The following ATG7 variants were observed in gnomAD, a reference collection of about 807,000 sequenced individuals.
ATG7 encodes the protein ubiquitin-like modifier-activating enzyme ATG7.
In ATG7, 70 loss-of-function variants were observed where a neutral mutation model predicts 82.4. The observed-to-expected ratio is 0.85, with a 90% CI of 0.70 to 1.04. ATG7 has a LOEUF of 1.04. Among genes scored for constraint, ATG7 ranks in the 50% least tolerant of loss-of-function variants. The pLI, the probability that ATG7 is intolerant of heterozygous loss-of-function variation, is 0.00. For missense variants in ATG7, 792 were observed against 864.3 expected (o/e 0.92, Z 1.05); for synonymous variants, 287 against 313.0 (o/e 0.92, Z 0.88).
At chr3:11,493,216 T>A (rs2090541301) in intron 20 of ATG7, among the ~76,000 whole-genome samples, 1 of 152,210 alleles carries the variant, frequency 6.6e-6, no homozygotes, top group Non-Finnish European at 1.5e-5. Context: ...CACTCTCCCC[T>A]GAAGTCAATT....
At chr3:11,429,084 T>C (rs1182032458) in intron 20 of ATG7, among the ~76,000 whole-genome samples, 2 of 152,242 alleles carry the variant, frequency 1.3e-5, no homozygotes, top group Admixed American at 1.3e-4. Flanking sequence ...ATACGTCACA[T>C]CAAATTTTAG....
At chr3:11,550,732 G>A (rs1385117974) in intron 20 of ATG7, among the ~76,000 whole-genome samples, 2 of 151,904 alleles carry the variant, frequency 1.3e-5, no homozygotes, top group African/African-American at 4.8e-5. Flanking sequence ...ACCGAGATGA[G>A]CCCTTTATGG....
At chr3:11,558,006 GC>G (rs1662958249), downstream of ATG7, 1 of 155,358 alleles carries the variant, frequency 6.4e-6, no homozygotes, top group Admixed American at 6.3e-5. Context: ...TTGTTTTTCA[GC>G]AGTTTGCCCT....
intron 19 of ATG7, among the ~76,000 whole-genome samples, chr3:11,396,039 A>G (rs4684068): frequency 0.21 from 30,592 of 145,416 alleles, 3,813 homozygotes; most frequent in South Asian, 0.34. Context: ...CACCACTAGC[A>G]TGTTTACACA....
intron 20 of ATG7, among the ~76,000 whole-genome samples, chr3:11,448,019 C>T (rs7644968): frequency 0.51 from 77,508 of 152,038 alleles, 20,664 homozygotes; most frequent in East Asian, 0.68. Context: ...GCTTTTCTAT[C>T]AGCAATTCAT....
intron 20 of ATG7, among the ~76,000 whole-genome samples, chr3:11,451,063 ATATT>A (rs1347140905): frequency 1.3e-5 from 2 of 152,218 alleles, no homozygotes; most frequent in Admixed American, 1.3e-4. Context: ...CCCAGGACAA[ATATT>A]TATTTGACCT....
intron 20 of ATG7, among the ~76,000 whole-genome samples, chr3:11,523,802 A>G (rs1416517669): frequency 1.3e-5 from 2 of 152,226 alleles, no homozygotes; most frequent in Non-Finnish European, 2.9e-5. Flanking sequence ...TCCAGCTAAC[A>G]TGGAAAAACT....
chr3:11,490,966 TGAG>T (rs2090286314), intron 20 of ATG7, among the ~76,000 whole-genome samples: 1 of 152,126 alleles, frequency 6.6e-6, no homozygotes, highest in African/African-American at 2.4e-5. Context: ...TTGCTCTTCT[TGAG>T]GAGTATCTTT....
intron 13 of ATG7, among the ~76,000 whole-genome samples, chr3:11,345,691 C>G (rs767202609): frequency 2.9e-4 from 44 of 151,792 alleles, no homozygotes; most frequent in Non-Finnish European, 6.3e-4. Context: ...TTTTTTGGAG[C>G]ATTACTTTAT....
rs1559791226 is a variant in ATG7, at chr3:11,519,542, T to TG, written c.2080-35269_2080-35268insG. On this transcript the variant is annotated intron_variant, in intron 20 of 20. Coordinates refer to ENST00000693202, the MANE Select transcript of ATG7 (RefSeq NM_001349232.2). ...TGAAAGGCAGGCAGTGAGAGGAGTT[T>TG]TTTTTTTTTTTTTTTTTTTTTTTTT... Among the ~76,000 whole-genome samples the TG allele has an allele frequency of 2.1e-3, 80 of 38,476 alleles. 1 individual carries two copies. The highest frequency in any genetic ancestry group is 4.4e-3 in the South Asian group (7 of 1,588). 25.2% of individuals were successfully genotyped at this position (38,476 alleles called of 152,430 possible).
At chr3:11,317,509 C>T (rs1295003927) in intron 9 of ATG7, among the ~76,000 whole-genome samples, 1 of 151,584 alleles carries the variant, frequency 6.6e-6, no homozygotes, top group South Asian at 2.1e-4. Flanking sequence ...TAATTAGTAT[C>T]TGCATTTTCT....
chr3:11,418,198 G>A (rs1362595016), intron 19 of ATG7, among the ~76,000 whole-genome samples: 1 of 150,724 alleles, frequency 6.6e-6, no homozygotes, highest in Middle Eastern at 3.7e-3. Flanking sequence ...TCAACCTCCC[G>A]GGTTTAAGCC....
chr3:11,317,584 CTTTTTTTTT>C (rs370026914), intron 9 of ATG7, among the ~76,000 whole-genome samples: 3 of 114,482 alleles, frequency 2.6e-5, no homozygotes, highest in Admixed American at 2.1e-4. Context: ...TTCTTTCTTT[CTTTTTTTTT>C]TTTTTTTTTT....
chr3:11,315,003 G>T (rs1949192061), intron 8 of ATG7, among the ~76,000 whole-genome samples: 1 of 152,150 alleles, frequency 6.6e-6, no homozygotes, highest in South Asian at 2.1e-4. Flanking sequence ...AAGGTTCGGG[G>T]TAAAATTCAT....
chr3:11,477,357 G>A, intron 20 of ATG7: 2 of 1,103,748 alleles, frequency 1.8e-6, no homozygotes, highest in Non-Finnish European at 2.3e-6. Context: ...AGTAATGAAT[G>A]TAAGTTTCTC....
intron 20 of ATG7, among the ~76,000 whole-genome samples, chr3:11,480,365 T>A (rs1300380473): frequency 1.3e-5 from 2 of 152,128 alleles, no homozygotes; most frequent in Admixed American, 6.5e-5. Flanking sequence ...AGCAAGACCC[T>A]GTCTCTACAA....
At chr3:11,488,614 G>A (rs528976313) in intron 20 of ATG7, 54 of 420,608 alleles carry the variant, frequency 1.3e-4, no homozygotes, top group South Asian at 2.2e-4. Context: ...CCCAGCCCGC[G>A]GGCCTTCGAG....
At chr3:11,347,795 A>G (rs1343192657) in intron 13 of ATG7, 82 bp from the exon 14 acceptor site, 2 of 1,442,498 alleles carry the variant, frequency 1.4e-6, no homozygotes, top group East Asian at 4.9e-5. Flanking sequence ...TCTCCAAACC[A>G]ATATTCTTTT....
At chr3:11,535,939 T>C (rs1254425375) in intron 20 of ATG7, among the ~76,000 whole-genome samples, 1 of 152,146 alleles carries the variant, frequency 6.6e-6, no homozygotes, top group Non-Finnish European at 1.5e-5. Flanking sequence ...GATGATTCCA[T>C]GTGGGATGAC....
Sources: gnomAD v4.1 joint callset for allele counts (sites outside exome capture counted in the v4.1 genomes callset) on GRCh38, gnomAD v4.1.1 for gene constraint, MANE v1.5 for transcripts, NCBI Gene and HGNC (gene_info 2026-07-23, HGNC 2026-07-21) for gene names.